Variants in AGAP1 observed in about 807,000 individuals in gnomAD.
AGAP1 encodes the protein ArfGAP with GTPase domain, ankyrin repeat and PH domain 1.
Under a neutral mutation model 105.3 loss-of-function variants are expected in AGAP1, and 29 were observed. The ratio of observed to expected loss-of-function variants is 0.28; its 90% CI spans 0.21 to 0.38. The LOEUF (loss-of-function observed/expected upper bound fraction) is 0.38. Among genes scored for constraint, AGAP1 ranks in the 10% least tolerant of loss-of-function variants. The pLI, the probability that AGAP1 is intolerant of heterozygous loss-of-function variation, is 1.00. For synonymous variants in AGAP1, 509 were observed against 485.9 expected (o/e 1.05, Z -0.63); for missense variants, 998 against 1,165.1 (o/e 0.86, Z 2.09).
chr2:235,705,425 A>G lies in AGAP1; in HGVS notation c.164-3754A>G, dbSNP rs772055873. On this transcript the variant is annotated intron_variant, in intron 1 of 17. Coordinates refer to ENST00000304032, the MANE Select transcript of AGAP1 (RefSeq NM_001037131.3). The surrounding 1 kb of genome is among the most constrained non-coding windows in gnomAD (Gnocchi z 4.9). ...TTCCCTGAAGCATATTTATCCTTCC[A>G]GTGTTCCTGCACCTTGGAAGGAAGC... 2.6e-4 allele frequency among the ~76,000 whole-genome samples: 39 copies of G among 152,148 alleles called. No individual in the cohort carries two copies. Among genetic ancestry groups the G allele is most frequent in the Non-Finnish European group, 3.5e-4 (24 of 68,024 alleles).
Position 236,114,173 on chromosome 2 carries a change from G to A in AGAP1, c.2115-6019G>A, listed in dbSNP as rs183196039. On this transcript the variant is annotated intron_variant, in intron 16 of 17. Transcript: ENST00000304032. The surrounding 1 kb of genome is among the most constrained non-coding windows in gnomAD (Gnocchi z 5.0). ...CGGTGATCCTCCCGGGGATTGGAAT[G>A]AGGGGAGGTGATCTACTGCCGGCTG... is the stretch of plus-strand genomic sequence containing the variant. 3.3e-4 allele frequency among the ~76,000 whole-genome samples: 50 copies of A among 152,288 alleles called. No individual in the cohort carries two copies. Among genetic ancestry groups the A allele is most frequent in the African/African-American group, 1.2e-3 (48 of 41,566 alleles).
rs565830742 is a variant in AGAP1 at position 235,535,834 on chromosome 2, G to A, written c.163+40985G>A. On this transcript the variant is annotated intron_variant, in intron 1 of 17. Transcript: ENST00000304032. The surrounding 1 kb of genome is among the most constrained non-coding windows in gnomAD (Gnocchi z 5.1). The stretch of plus-strand genomic sequence containing the variant: ...CGGCTCTGCTTTCCAGAACCTTCTG[G>A]GAGTGGCAGACACACATTAGGAGTC... 6.6e-6 allele frequency among the ~76,000 whole-genome samples: 1 copy of A among 152,108 alleles called. No homozygotes were observed. Among genetic ancestry groups the A allele is most frequent in the African/African-American group, 2.4e-5 (1 of 41,508 alleles).
chr2:235,962,636 A>G lies in AGAP1; in HGVS notation c.1484-5826A>G, dbSNP rs879275388. Reference sequence around the variant, plus strand: ...CTGAGGTCCAGGGCAGAAGAGATTCATGAGGGTGGAGTGGCACAGAGGCCA... The same window carrying G: ...CTGAGGTCCAGGGCAGAAGAGATTCGTGAGGGTGGAGTGGCACAGAGGCCA... On this transcript the variant is annotated intron_variant, in intron 12 of 17. Transcript: ENST00000304032. This position sits in a 1 kb window ranked among gnomAD's most constrained non-coding sequence, Gnocchi z 5.3. 6.6e-6 allele frequency among the ~76,000 whole-genome samples: 1 copy of G among 152,110 alleles called. No individual in the cohort carries two copies. Among genetic ancestry groups the G allele is most frequent in the Non-Finnish European group, 1.5e-5 (1 of 68,004 alleles).
chr2:235,895,592 G>A (rs189287644), intron 10 of AGAP1, among the ~76,000 whole-genome samples: 15 of 152,190 alleles, frequency 9.9e-5, no homozygotes, highest in East Asian at 5.8e-4. Flanking sequence ...GTGCTCTCAC[G>A]TTACTCTATT....
intron 1 of AGAP1, among the ~76,000 whole-genome samples, chr2:235,652,877 G>T (rs1223816107): frequency 6.6e-6 from 1 of 152,134 alleles, no homozygotes; most frequent in South Asian, 2.1e-4. Flanking sequence ...GCTGAGGCAG[G>T]AGAATCACTT....
chr2:235,854,260 A>G lies in AGAP1; in HGVS notation c.1051-29085A>G, dbSNP rs541349245. Among the ~76,000 whole-genome samples the G allele has an allele frequency of 1.7e-3, 266 of 152,286 alleles. No individual in the cohort carries two copies. In the Middle Eastern group the frequency reaches 0.024, roughly 14 times the overall value. On this transcript the variant is annotated intron_variant, in intron 9 of 17. Coordinates refer to ENST00000304032, the MANE Select transcript of AGAP1 (RefSeq NM_001037131.3). ...CAGCTGAGAAACTTAGGCCTTGTTC[A>G]AGGTCACATGGAGAAAGAATATTGC...
chr2:235,613,874 C>A lies in AGAP1; in HGVS notation c.164-95305C>A, dbSNP rs959487573. 3.3e-5 allele frequency among the ~76,000 whole-genome samples: 5 copies of A among 152,302 alleles called. No homozygotes were observed. In the East Asian group the frequency reaches 9.6e-4, roughly 29 times the overall value. ...ACAGTGAATTAGCATATAGTGGCGC[C>A]GTGTGGCCCGCAGGGTGGCCTTGTC... On this transcript the variant is annotated intron_variant, in intron 1 of 17. Coordinates refer to ENST00000304032, the MANE Select transcript of AGAP1 (RefSeq NM_001037131.3).
rs938194467 is a variant in AGAP1 at position 235,888,274 on chromosome 2, C to T, written c.1155+4825C>T. Reference sequence around the variant, plus strand: ...TAGGATCAAACCGAGAAGGTGGAATCGAGGGTCTTTACCACCCTTGTCTTT... The same window carrying T: ...TAGGATCAAACCGAGAAGGTGGAATTGAGGGTCTTTACCACCCTTGTCTTT... On this transcript the variant is annotated intron_variant, in intron 10 of 17. Coordinates refer to ENST00000304032, the MANE Select transcript of AGAP1 (RefSeq NM_001037131.3). The surrounding 1 kb of genome is among the most constrained non-coding windows in gnomAD (Gnocchi z 4.8). Among the ~76,000 whole-genome samples, 3 of 151,972 alleles carry T rather than the reference C, an allele frequency of 2.0e-5. No individual in the cohort carries two copies. The highest frequency in any genetic ancestry group is 4.4e-5 in the Non-Finnish European group (3 of 67,988).
At chr2:236,069,786 A>G (rs1464855068) in intron 16 of AGAP1, among the ~76,000 whole-genome samples, 1 of 152,254 alleles carries the variant, frequency 6.6e-6, no homozygotes, top group African/African-American at 2.4e-5. Context: ...CTGTTAAAAT[A>G]TTGTGTACCC....
intron 16 of AGAP1, among the ~76,000 whole-genome samples, chr2:236,098,157 T>A (rs1317278459): frequency 6.6e-6 from 1 of 152,224 alleles, no homozygotes; most frequent in African/African-American, 2.4e-5. Context: ...GACATACAAA[T>A]GTCTATTTCA....
rs924110268 is a variant in AGAP1 at position 236,089,634 on chromosome 2, GT to G, written c.2115-30556del. ...AGAGTTTGCACAGAAGAAAAGGGAG[GT>G]TGTTTAACCAGAAAGGCCCTCTGCA... On this transcript the variant is annotated intron_variant, in intron 16 of 17. Coordinates refer to ENST00000304032, the MANE Select transcript of AGAP1 (RefSeq NM_001037131.3). The surrounding 1 kb of genome is among the most constrained non-coding windows in gnomAD (Gnocchi z 5.6). Among the ~76,000 whole-genome samples, 4 of 152,188 alleles carry G rather than the reference GT, an allele frequency of 2.6e-5. No homozygotes were observed. The highest frequency in any genetic ancestry group is 9.6e-5 in the African/African-American group (4 of 41,452).
At chr2:235,699,892 A>G (rs1950170466) in intron 1 of AGAP1, among the ~76,000 whole-genome samples, 1 of 152,222 alleles carries the variant, frequency 6.6e-6, no homozygotes, top group Admixed American at 6.5e-5. Flanking sequence ...GGGAGGCTGT[A>G]AAATGTGTTT....
intron 13 of AGAP1, among the ~76,000 whole-genome samples, chr2:235,997,461 C>T (rs1290509403): frequency 6.6e-6 from 1 of 152,160 alleles, no homozygotes; most frequent in African/African-American, 2.4e-5. Flanking sequence ...CTTTCCAGCA[C>T]CTTTCTCTAC....
In AGAP1 at chr2:236,104,903, GAAAAA is replaced by G. The variant is rs879856264; in HGVS notation, c.2115-15283_2115-15279del. Among the ~76,000 whole-genome samples the G allele has an allele frequency of 6.8e-6, 1 of 147,932 alleles. No individual in the cohort carries two copies. The highest frequency in any genetic ancestry group is 1.5e-5 in the Non-Finnish European group (1 of 66,698). On this transcript the variant is annotated intron_variant, in intron 16 of 17. Transcript: ENST00000304032. The surrounding 1 kb of genome is among the most constrained non-coding windows in gnomAD (Gnocchi z 4.7). ...CTACAGAGCGAGACTCTGTCTCAAG[GAAAAA>G]AAAAAGGACTAGCGTGCACAGAGCC...
chr2:235,561,376 T>C (rs1944146351), intron 1 of AGAP1, among the ~76,000 whole-genome samples: 1 of 152,182 alleles, frequency 6.6e-6, no homozygotes, highest in South Asian at 2.1e-4. Context: ...TCCACTGATT[T>C]AGGGGGCGAG....
Position 235,951,059 on chromosome 2 carries a change from G to C in AGAP1, c.1484-17403G>C, listed in dbSNP as rs1452215838. The stretch of plus-strand genomic sequence containing the variant: ...AATGGTGAATTACTCATAGTTTTCT[G>C]CTGGAAGTAAATTTAATTCTAGTTT... On this transcript the variant is annotated intron_variant, in intron 12 of 17. Coordinates refer to ENST00000304032, the MANE Select transcript of AGAP1 (RefSeq NM_001037131.3). This position sits in a 1 kb window ranked among gnomAD's most constrained non-coding sequence, Gnocchi z 4.2. 3.3e-5 allele frequency among the ~76,000 whole-genome samples: 5 copies of C among 152,200 alleles called. No individual in the cohort carries two copies. Among genetic ancestry groups the C allele is most frequent in the Admixed American group, 6.5e-5 (1 of 15,284 alleles).
At chr2:235,730,375 C>T (rs1253796975) in intron 3 of AGAP1, among the ~76,000 whole-genome samples, 2 of 151,082 alleles carry the variant, frequency 1.3e-5, no homozygotes, top group African/African-American at 2.4e-5. Context: ...GCATCCGTCT[C>T]AGGTCATGGT....
At chr2:235,995,921 C>T (rs2125479670) in intron 13 of AGAP1, among the ~76,000 whole-genome samples, 1 of 152,234 alleles carries the variant, frequency 6.6e-6, no homozygotes, top group Non-Finnish European at 1.5e-5. Context: ...TTGGAGGTCA[C>T]TGTGCAGTAG....
rs1044120302 is a variant in AGAP1, at chr2:235,737,403, C to T, written c.311-3560C>T. Reference sequence around the variant, plus strand: ...AACTGACTTTAGGATTCGAAGAGACCTTGCTGATGAGAGAAGGAATCACTG... The same window carrying T: ...AACTGACTTTAGGATTCGAAGAGACTTTGCTGATGAGAGAAGGAATCACTG... On this transcript the variant is annotated intron_variant, in intron 3 of 17. Coordinates refer to ENST00000304032, the MANE Select transcript of AGAP1 (RefSeq NM_001037131.3). This position sits in a 1 kb window ranked among gnomAD's most constrained non-coding sequence, Gnocchi z 4.5. Among the ~76,000 whole-genome samples the T allele has an allele frequency of 8.5e-5, 13 of 152,140 alleles. No individual in the cohort carries two copies. The highest frequency in any genetic ancestry group is 2.9e-4 in the African/African-American group (12 of 41,426).
Sources: allele counts gnomAD v4.1 joint callset (sites outside exome capture counted in the v4.1 genomes callset), GRCh38; gene constraint gnomAD v4.1.1; non-coding constraint Gnocchi (gnomAD v3.1); transcripts MANE v1.5; gene names NCBI Gene and HGNC (gene_info 2026-07-23, HGNC 2026-07-21).